EPHA5: variants seen among roughly 807,000 people sequenced by gnomAD.
EPHA5 encodes the protein ephrin type-A receptor 5.
Under a neutral mutation model 105.0 loss-of-function variants are expected in EPHA5, and 60 were observed. The ratio of observed to expected loss-of-function variants is 0.57; its 90% CI spans 0.46 to 0.71. The LOEUF is 0.71. EPHA5 is among the 30% of genes least tolerant of loss of function. The pLI is 0.00. For synonymous variants in EPHA5, 513 were observed against 449.1 expected (o/e 1.14, Z -1.80); for missense variants, 1,218 against 1,274.7 (o/e 0.96, Z 0.68).
intron 3 of EPHA5, among the ~76,000 whole-genome samples, chr4:65,578,384 T>G (rs1299733468): frequency 6.6e-6 from 1 of 152,152 alleles, no homozygotes; most frequent in African/African-American, 2.4e-5. Flanking sequence ...TAACAGACAC[T>G]GTGGGTGGAG....
intron 5 of EPHA5, among the ~76,000 whole-genome samples, chr4:65,475,461 C>T (rs936048750): frequency 1.3e-5 from 2 of 151,768 alleles, no homozygotes; most frequent in Non-Finnish European, 2.9e-5. Flanking sequence ...AACTTTGCCT[C>T]TCTGGGTTCA....
At chr4:65,405,205 CAT>C (rs879373511) in intron 7 of EPHA5, among the ~76,000 whole-genome samples, 19 of 152,036 alleles carry the variant, frequency 1.2e-4, no homozygotes, top group Non-Finnish European at 1.9e-4. Context: ...GGAATATGAA[CAT>C]GATTAGGTAG....
At chr4:65,560,104 T>G (rs1738856869) in intron 3 of EPHA5, among the ~76,000 whole-genome samples, 1 of 152,148 alleles carries the variant, frequency 6.6e-6, no homozygotes, top group Admixed American at 6.6e-5. Context: ...GGAAGAATTA[T>G]AATTTATTGA....
chr4:65,337,288 C>T (rs1721275143), intron 14 of EPHA5, among the ~76,000 whole-genome samples: 1 of 152,012 alleles, frequency 6.6e-6, no homozygotes. Flanking sequence ...GCATATTAAC[C>T]CCGCAGTGCT....
intron 11 of EPHA5, among the ~76,000 whole-genome samples, chr4:65,353,808 C>A (rs1170883809): frequency 6.6e-6 from 1 of 151,672 alleles, no homozygotes; most frequent in Non-Finnish European, 1.5e-5. Context: ...GGCTACCTGC[C>A]CTTCCTCTCT....
chr4:65,589,193 T>C (rs894018277), intron 3 of EPHA5, among the ~76,000 whole-genome samples: 9 of 152,160 alleles, frequency 5.9e-5, no homozygotes, highest in African/African-American at 2.2e-4. Flanking sequence ...ATGAAGGAAA[T>C]CCAACTAAAA....
In EPHA5 at chr4:65,669,685, C is replaced by G; in HGVS notation, c.58G>C (p.Asp20His). The G allele has an allele frequency of 1.5e-6, 2 of 1,315,578 alleles. No homozygotes were observed. Among genetic ancestry groups the G allele is most frequent in the Non-Finnish European group, 1.9e-6 (2 of 1,028,832 alleles). 81.5% of individuals were successfully genotyped at this position (1,315,578 alleles called of 1,614,324 possible). Residue 20 changes from aspartate to histidine, a missense_variant, in exon 1 of 17, where the codon GAC becomes CAC. By Grantham distance (81) the Asp-to-His change is moderately conservative (BLOSUM62 -1). Transcript: ENST00000613740. The stretch of plus-strand genomic sequence containing the variant: ...AGGGACGCTGGGGTGATGGGGGTGT[C>G]GCCGCCGCCGCTTGGGGGCCGCCGG... ...GRRRPPSGGG[D>H]TPITPASLAG... is the part of the protein sequence containing the mutation.
At chr4:65,600,304 A>G (rs910500573) in intron 3 of EPHA5, among the ~76,000 whole-genome samples, 1 of 152,174 alleles carries the variant, frequency 6.6e-6, no homozygotes, top group Non-Finnish European at 1.5e-5. Context: ...AGCATTTTAT[A>G]AACGTAATTT....
At chr4:65,331,468 A>G in intron 16 of EPHA5, 1 of 1,049,218 alleles carries the variant, frequency 9.5e-7, no homozygotes, top group Non-Finnish European at 1.2e-6. Flanking sequence ...TTAGATTGAA[A>G]GAATGTAAGG....
At chr4:65,389,524 A>C (rs1264599445) in intron 8 of EPHA5, among the ~76,000 whole-genome samples, 1 of 152,076 alleles carries the variant, frequency 6.6e-6, no homozygotes, top group African/African-American at 2.4e-5. Flanking sequence ...AAACAATTGA[A>C]TTAAATGATT....
At chr4:65,629,911 T>C (rs1005692537) in intron 2 of EPHA5, among the ~76,000 whole-genome samples, 9 of 152,088 alleles carry the variant, frequency 5.9e-5, no homozygotes, top group African/African-American at 1.9e-4. Flanking sequence ...CACTTTAATA[T>C]AGGAGGGCAA....
At chr4:65,570,544 T>C (rs1262772788) in intron 3 of EPHA5, among the ~76,000 whole-genome samples, 1 of 151,810 alleles carries the variant, frequency 6.6e-6, no homozygotes, top group Non-Finnish European at 1.5e-5. Flanking sequence ...CTTAGTCAGC[T>C]TTCTTTTCCA....
At chr4:65,393,859 T>C (rs9790817) in intron 8 of EPHA5, among the ~76,000 whole-genome samples, 101,185 of 152,010 alleles carry the variant, frequency 0.67, 34,905 homozygotes, top group East Asian at 0.87. Flanking sequence ...AGCACATTTT[T>C]AATAGTCTTA....
chr4:65,507,275 T>C (rs1052033229), intron 3 of EPHA5, among the ~76,000 whole-genome samples: 3 of 152,190 alleles, frequency 2.0e-5, no homozygotes, highest in Admixed American at 2.0e-4. Context: ...TGTAGCCTTG[T>C]AGTATAGTTT....
At chr4:65,546,283 A>G (rs1391000975) in intron 3 of EPHA5, among the ~76,000 whole-genome samples, 3 of 152,028 alleles carry the variant, frequency 2.0e-5, no homozygotes, top group African/African-American at 7.2e-5. Flanking sequence ...TTAATAATCA[A>G]GTTGCAAATA....
At chr4:65,528,825 A>G (rs1371847014) in intron 3 of EPHA5, among the ~76,000 whole-genome samples, 6 of 152,164 alleles carry the variant, frequency 3.9e-5, no homozygotes. Context: ...TAACCAATTT[A>G]AAGACCATTC....
intron 2 of EPHA5, among the ~76,000 whole-genome samples, chr4:65,636,195 T>C (rs1428639609): frequency 6.6e-6 from 1 of 152,188 alleles, no homozygotes; most frequent in Non-Finnish European, 1.5e-5. Context: ...AATGAGAAAG[T>C]GAAACCTTGC....
chr4:65,513,333 A>T (rs1283660888), intron 3 of EPHA5, among the ~76,000 whole-genome samples: 2 of 152,050 alleles, frequency 1.3e-5, no homozygotes, highest in Non-Finnish European at 2.9e-5. Flanking sequence ...CCTAATTCTG[A>T]TGACTCATAT....
chr4:65,529,599 T>A (rs2149298705), intron 3 of EPHA5, among the ~76,000 whole-genome samples: 1 of 152,238 alleles, frequency 6.6e-6, no homozygotes, highest in East Asian at 1.9e-4. Flanking sequence ...CTCATATAAT[T>A]TTCATTGTGC....
Sources: gnomAD v4.1 joint callset for allele counts (sites outside exome capture counted in the v4.1 genomes callset) on GRCh38, gnomAD v4.1.1 for gene constraint, MANE v1.5 for transcripts, NCBI Gene and HGNC (gene_info 2026-07-23, HGNC 2026-07-21) for gene names.